The following PDE9A variants were observed in gnomAD, a reference collection of about 807,000 sequenced individuals.
PDE9A encodes phosphodiesterase 9A, also known as high affinity cGMP-specific 3',5'-cyclic phosphodiesterase 9A.
A neutral mutation model predicts 87.4 loss-of-function variants in PDE9A; 60 were observed. That is an observed-to-expected ratio of 0.69 (90% confidence interval 0.56 to 0.85). The LOEUF (loss-of-function observed/expected upper bound fraction) is 0.85. PDE9A is among the 40% of genes least tolerant of loss of function. PDE9A has a pLI of 0.00. For synonymous variants in PDE9A, 272 were observed against 279.4 expected, an observed-to-expected ratio of 0.97 and a Z score of 0.27; for missense variants, 665 against 779.0, an observed-to-expected ratio of 0.85 and a Z score of 1.74.
chr21:42,689,087 T>C (rs1486623095), intron 3 of PDE9A, among the ~76,000 whole-genome samples: 1 of 149,906 alleles, frequency 6.7e-6, no homozygotes, highest in Non-Finnish European at 1.5e-5. Flanking sequence ...GAGGTCCTCG[T>C]GGGTGTGGCC....
rs1348392736 is a variant in PDE9A at position 42,722,991 on chromosome 21, G to A, written c.263-8779G>A. Among the ~76,000 whole-genome samples the A allele has an allele frequency of 1.3e-5, 2 of 152,268 alleles. No individual in the cohort carries two copies. Among genetic ancestry groups the A allele is most frequent in the Admixed American group, 1.3e-4 (2 of 15,292 alleles). ...TCAGGCAATGGCTTCTGGGCATCGT[G>A]TGGGGTGGGGGCAGCCCCTGCCCTG... is the stretch of plus-strand genomic sequence containing the variant. On this transcript the variant is annotated intron_variant, in intron 4 of 19. Transcript: ENST00000291539. The surrounding 1 kb of genome is among the most constrained non-coding windows in gnomAD (Gnocchi z 4.1).
At chr21:42,768,614 G>A in intron 16 of PDE9A, 1 of 985,424 alleles carries the variant, frequency 1.0e-6, no homozygotes, top group Non-Finnish European at 1.2e-6. Flanking sequence ...GCAGGAGGGG[G>A]CCCAGGAGGG....
intron 19 of PDE9A, among the ~76,000 whole-genome samples, chr21:42,773,206 G>A (rs2057179131): frequency 6.9e-6 from 1 of 144,866 alleles, no homozygotes; most frequent in African/African-American, 2.6e-5. Flanking sequence ...AGGTTGCAGT[G>A]AGCCCACATT....
At chr21:42,654,723 T>A (rs1387374971) in intron 1 of PDE9A, among the ~76,000 whole-genome samples, 1 of 152,162 alleles carries the variant, frequency 6.6e-6, no homozygotes, top group Non-Finnish European at 1.5e-5. Context: ...ACAGAGCAGG[T>A]GCCGGCCAGG....
chr21:42,760,676 G>A lies in PDE9A; in HGVS notation c.1003-149G>A. 1.5e-6 allele frequency: 1 copy of A among 663,236 alleles called. No homozygotes were observed. The highest frequency in any genetic ancestry group is 2.7e-6 in the Non-Finnish European group (1 of 365,744). 41.1% of individuals were successfully genotyped at this position (663,236 alleles called of 1,614,324 possible). On this transcript the variant is annotated intron_variant, in intron 12 of 19. Coordinates refer to ENST00000291539, the MANE Select transcript of PDE9A (RefSeq NM_002606.3). This position sits in a 1 kb window ranked among gnomAD's most constrained non-coding sequence, Gnocchi z 5.2. Reference sequence around the variant, plus strand: ...TCACCCCCCCAACCCCCACAGGCAGGCCGATCCTCTCCCACCATGCCAGGA... The same window carrying A: ...TCACCCCCCCAACCCCCACAGGCAGACCGATCCTCTCCCACCATGCCAGGA...
chr21:42,660,445 G>T lies in PDE9A; in HGVS notation c.69+6562G>T, dbSNP rs1037233786. Among the ~76,000 whole-genome samples, 6 of 152,006 alleles carry T rather than the reference G, an allele frequency of 3.9e-5. No homozygotes were observed. In the East Asian group the frequency reaches 1.2e-3, roughly 29 times the overall value. ...CCAGTTGGGTGCTTGCATTTCCAGGGGTCCAAATATTTTTGAGAAGAAAAT... is the reference window on the plus strand; with the variant it reads ...CCAGTTGGGTGCTTGCATTTCCAGGTGTCCAAATATTTTTGAGAAGAAAAT... On this transcript the variant is annotated intron_variant, in intron 1 of 19. Transcript: ENST00000291539. This position sits in a 1 kb window ranked among gnomAD's most constrained non-coding sequence, Gnocchi z 4.7.
intron 8 of PDE9A, among the ~76,000 whole-genome samples, chr21:42,749,323 G>T (rs530131950): frequency 7.9e-5 from 12 of 152,240 alleles, no homozygotes; most frequent in Non-Finnish European, 1.6e-4. Flanking sequence ...CAAGCCAGGC[G>T]TGACCCCCAC....
At chr21:42,693,423 C>A (rs571521325) in intron 3 of PDE9A, among the ~76,000 whole-genome samples, 1 of 151,592 alleles carries the variant, frequency 6.6e-6, no homozygotes, top group Admixed American at 6.6e-5. Flanking sequence ...CTCAGCCTCC[C>A]GAGTAGCTGG....
chr21:42,687,189 T>G (rs57524259), intron 2 of PDE9A, among the ~76,000 whole-genome samples: 16,332 of 152,100 alleles, frequency 0.11, 1,155 homozygotes, highest in East Asian at 0.33. Context: ...GAAGGGCAAT[T>G]GAAGTTTCTC....
chr21:42,693,324 AGTCTGGCTCT>A (rs1306531757), intron 3 of PDE9A, among the ~76,000 whole-genome samples: 5 of 132,882 alleles, frequency 3.8e-5, no homozygotes, highest in Non-Finnish European at 6.3e-5. Flanking sequence ...TTTGAGACGG[AGTCTGGCTCT>A]GTCGCCCAGG....
At chr21:42,697,218 G>A (rs749698286) in intron 3 of PDE9A, among the ~76,000 whole-genome samples, 5 of 151,864 alleles carry the variant, frequency 3.3e-5, no homozygotes, top group East Asian at 2.0e-4. Context: ...CAGCCTCACC[G>A]CCCTACAGAC....
intron 1 of PDE9A, among the ~76,000 whole-genome samples, chr21:42,661,956 G>A (rs1266441623): frequency 2.0e-5 from 3 of 152,130 alleles, no homozygotes; most frequent in African/African-American, 7.2e-5. Flanking sequence ...GCGCAGATGG[G>A]GCCGATTTGT....
intron 10 of PDE9A, among the ~76,000 whole-genome samples, chr21:42,756,275 G>A (rs970028939): frequency 1.3e-5 from 2 of 152,218 alleles, no homozygotes; most frequent in African/African-American, 4.8e-5. Flanking sequence ...CAGATCTAGG[G>A]ATGCCAGGAA....
At chr21:42,724,383 A>G (rs1368019238) in intron 4 of PDE9A, among the ~76,000 whole-genome samples, 2 of 152,170 alleles carry the variant, frequency 1.3e-5, no homozygotes, top group African/African-American at 4.8e-5. Context: ...GCATGAAATC[A>G]CAGTTGTTTT....
chr21:42,763,065 C>T (rs1248917249), intron 14 of PDE9A, among the ~76,000 whole-genome samples: 1 of 152,118 alleles, frequency 6.6e-6, no homozygotes, highest in Non-Finnish European at 1.5e-5. Context: ...AGGATATCTG[C>T]GTGAGAGGAA....
intron 1 of PDE9A, among the ~76,000 whole-genome samples, chr21:42,670,314 C>CATT (rs1569117459): frequency 6.9e-5 from 8 of 116,688 alleles, no homozygotes; most frequent in African/African-American, 4.1e-4. Flanking sequence ...CACTTAGACA[C>CATT]CACACTCACA....
intron 3 of PDE9A, among the ~76,000 whole-genome samples, chr21:42,697,925 G>A (rs1602118964): frequency 6.6e-6 from 1 of 152,222 alleles, no homozygotes. Flanking sequence ...CCTGTGGAGA[G>A]ATGCACAGAC....
chr21:42,696,259 G>A lies in PDE9A; in HGVS notation c.219-2709G>A, dbSNP rs1373176339. Among the ~76,000 whole-genome samples, 7 of 152,134 alleles carry A rather than the reference G, an allele frequency of 4.6e-5. No homozygotes were observed. In the East Asian group the frequency reaches 1.3e-3, roughly 29 times the overall value. On this transcript the variant is annotated intron_variant, in intron 3 of 19. Transcript: ENST00000291539. The surrounding 1 kb of genome is among the most constrained non-coding windows in gnomAD (Gnocchi z 5.1). ...TTGCGTGGGAGAAGTTGCTGGACAC[G>A]CCTCTCTGGCTCTGTCCCCGCCGGC...
intron 7 of PDE9A, among the ~76,000 whole-genome samples, chr21:42,740,062 C>T (rs2052951683): frequency 6.6e-6 from 1 of 152,078 alleles, no homozygotes; most frequent in South Asian, 2.1e-4. Flanking sequence ...TACATAGACA[C>T]ACACAGGATG....
Sources: allele counts gnomAD v4.1 joint callset (sites outside exome capture counted in the v4.1 genomes callset), GRCh38; gene constraint gnomAD v4.1.1; non-coding constraint Gnocchi (gnomAD v3.1); transcripts MANE v1.5; gene names NCBI Gene and HGNC (gene_info 2026-07-23, HGNC 2026-07-21).